The following FBLN5 variants were observed in gnomAD, a reference collection of about 807,000 sequenced individuals.
FBLN5 encodes the protein fibulin 5.
A neutral mutation model predicts 61.6 loss-of-function variants in FBLN5; 24 were observed. The observed-to-expected ratio is 0.39, with a 90% CI of 0.28 to 0.55. The LOEUF is 0.55. Ranked by LOEUF, FBLN5 falls within the 20% of genes least tolerant of loss-of-function variation. The pLI, the probability that FBLN5 is intolerant of heterozygous loss-of-function variation, is 0.65. For synonymous variants in FBLN5, 213 were observed against 219.8 expected, an observed-to-expected ratio of 0.97 and a Z score of 0.27; for missense variants, 470 against 594.1, an observed-to-expected ratio of 0.79 and a Z score of 2.17.
chr14:91,925,463 T>C (rs541429129), intron 4 of FBLN5, among the ~76,000 whole-genome samples: 91 of 152,254 alleles, frequency 6.0e-4, no homozygotes, highest in Admixed American at 1.5e-3. Context: ...CTCCTCTGTT[T>C]CCAAGACAAA....
In FBLN5 at chr14:91,870,120, G is replaced by T; in HGVS notation, c.*104C>A. The T allele has an allele frequency of 8.2e-7, 1 of 1,214,842 alleles. No homozygotes were observed. The highest frequency in any genetic ancestry group is 1.2e-6 in the Non-Finnish European group (1 of 829,582). The allele number at this position is 1,214,842 out of a possible 1,614,324, so 75.3% of individuals were successfully genotyped here. A position where few individuals can be genotyped will look rare whatever the true frequency, so the allele number is the denominator to read the frequency against. ...GACTCTTCGGGGAAACGTTCAGCAG[G>T]AAATGCCTAACGTCTGTGTCGCTCT... On this transcript the variant is annotated 3_prime_UTR_variant, in exon 11 of 11. Coordinates refer to ENST00000342058, the MANE Select transcript of FBLN5 (RefSeq NM_006329.4).
At chr14:91,898,555 A>C (rs1339172106) in intron 4 of FBLN5, among the ~76,000 whole-genome samples, 1 of 152,068 alleles carries the variant, frequency 6.6e-6, no homozygotes, top group African/African-American at 2.4e-5. Flanking sequence ...ATTTGACTTA[A>C]ATCACAGAAG....
chr14:91,884,993 C>T (rs1270909873), intron 7 of FBLN5, among the ~76,000 whole-genome samples: 1 of 152,232 alleles, frequency 6.6e-6, no homozygotes, highest in Admixed American at 6.5e-5. Context: ...CCAGGAACAG[C>T]TCAGCTTAGC....
At position 91,942,882 on chromosome 14, in the gene FBLN5, T is replaced by C. The variant is rs565761187; in HGVS notation, c.72+25A>G. 1.0e-4 allele frequency: 151 copies of C among 1,451,850 alleles called. 2 individuals carry two copies. In the South Asian group the frequency reaches 1.8e-3, roughly 17 times the overall value. The allele number at this position is 1,451,850 out of a possible 1,614,324, so 89.9% of individuals were successfully genotyped here. On this transcript the variant is annotated intron_variant, in intron 2 of 10. Coordinates refer to ENST00000342058, the MANE Select transcript of FBLN5 (RefSeq NM_006329.4). The stretch of plus-strand genomic sequence containing the variant: ...CCCCGGATTTTAATACGCTTGTAGA[T>C]ATTTTTTAAAAATAAAAATCTTACC...
At chr14:91,915,628 A>G (rs1891159894) in intron 4 of FBLN5, among the ~76,000 whole-genome samples, 2 of 137,786 alleles carry the variant, frequency 1.5e-5, no homozygotes, top group Admixed American at 1.6e-4. Flanking sequence ...CGGAGGTTGC[A>G]GTGAGCCGAT....
At chr14:91,896,789 G>T (rs980834893) in intron 4 of FBLN5, among the ~76,000 whole-genome samples, 11 of 152,134 alleles carry the variant, frequency 7.2e-5, no homozygotes, top group African/African-American at 2.4e-4. Flanking sequence ...CCACTCCCAC[G>T]CTGTCTGCCT....
At position 91,890,891 on chromosome 14, in the gene FBLN5, T is replaced by C. The variant is rs112672723; in HGVS notation, c.619+330A>G. On this transcript the variant is annotated intron_variant, in intron 6 of 10. Transcript: ENST00000342058. ...GGAACTGAACTTAGGCTACAGGACA[T>C]GCAACCAAATTTCTGATTAGGCAAG... Among the ~76,000 whole-genome samples the C allele has an allele frequency of 7.4e-3, 1,134 of 152,284 alleles. 32 individuals are homozygous for C. Among genetic ancestry groups the C allele is most frequent in the African/African-American group, 0.026 (1,080 of 41,542 alleles).
At chr14:91,934,881 C>T (rs942228271) in intron 4 of FBLN5, among the ~76,000 whole-genome samples, 6 of 152,170 alleles carry the variant, frequency 3.9e-5, no homozygotes, top group Non-Finnish European at 5.9e-5. Context: ...AAGAGCCTCC[C>T]TTTCCCATCC....
At position 91,911,814 on chromosome 14, in the gene FBLN5, A is replaced by C. The variant is rs574973243; in HGVS notation, c.380-16742T>G. Among the ~76,000 whole-genome samples the C allele has an allele frequency of 1.0e-3, 159 of 152,220 alleles. 2 individuals carry two copies. Among genetic ancestry groups the C allele is most frequent in the Non-Finnish European group, 1.6e-3 (111 of 67,972 alleles). ...AAAAGGAAAAGACGGAAAAAAAAAAAAAACGGCTGGGAGATGCCCACGCTG... is the reference window on the plus strand; with the variant it reads ...AAAAGGAAAAGACGGAAAAAAAAAACAAACGGCTGGGAGATGCCCACGCTG... On this transcript the variant is annotated intron_variant, in intron 4 of 10. Coordinates refer to ENST00000342058, the MANE Select transcript of FBLN5 (RefSeq NM_006329.4).
intron 4 of FBLN5, among the ~76,000 whole-genome samples, chr14:91,918,066 G>C (rs931332070): frequency 6.6e-6 from 1 of 152,134 alleles, no homozygotes; most frequent in African/African-American, 2.4e-5. Flanking sequence ...GAACCAGTTG[G>C]GAGTGTCACA....
Position 91,921,027 on chromosome 14 carries a change from G to A in FBLN5, c.379+15920C>T, listed in dbSNP as rs79305065. Among the ~76,000 whole-genome samples, 1,053 of 152,288 alleles carry A rather than the reference G, an allele frequency of 6.9e-3. 2 individuals are homozygous for A. Among genetic ancestry groups the A allele is most frequent in the Non-Finnish European group, 8.8e-3 (601 of 68,028 alleles). ...GAAAGTACCACATTGGGAATTCTAC[G>A]AGGTGTTCTATGCAAGCCAGTCACG... is the stretch of plus-strand genomic sequence containing the variant. On this transcript the variant is annotated intron_variant, in intron 4 of 10. Transcript: ENST00000342058.
At chr14:91,886,922 C>A (rs1486693582) in intron 7 of FBLN5, among the ~76,000 whole-genome samples, 2 of 152,164 alleles carry the variant, frequency 1.3e-5, no homozygotes, top group Non-Finnish European at 2.9e-5. Flanking sequence ...TGACTGCTCT[C>A]CCTCTTCAAC....
intron 4 of FBLN5, among the ~76,000 whole-genome samples, chr14:91,924,827 G>A (rs1489969423): frequency 6.6e-6 from 1 of 152,138 alleles, no homozygotes; most frequent in East Asian, 1.9e-4. Flanking sequence ...GCTCTCAGTT[G>A]CCCCAGGAGT....
chr14:91,920,826 C>A (rs371842883), intron 4 of FBLN5, among the ~76,000 whole-genome samples: 19 of 152,208 alleles, frequency 1.2e-4, no homozygotes, highest in African/African-American at 4.3e-4. Context: ...ACCCTCAGCA[C>A]TCCCTTGGCC....
At chr14:91,937,274 C>T (rs2056034374) in intron 3 of FBLN5, 73 bp from the exon 4 acceptor site, 1 of 1,599,366 alleles carries the variant, frequency 6.3e-7, no homozygotes, top group Non-Finnish European at 8.5e-7. Flanking sequence ...TTAAGCAGAA[C>T]TCGGTACCAG....
intron 10 of FBLN5, among the ~76,000 whole-genome samples, chr14:91,877,144 G>C (rs1194682362): frequency 1.3e-5 from 2 of 152,154 alleles, no homozygotes; most frequent in Non-Finnish European, 2.9e-5. Flanking sequence ...TGCCTGGCCT[G>C]CATAGGAGGT....
At chr14:91,873,876 C>A (rs1478504101) in intron 10 of FBLN5, 1 of 152,276 alleles carries the variant, frequency 6.6e-6, no homozygotes, top group Non-Finnish European at 1.5e-5. Flanking sequence ...CTTCCATGGG[C>A]CCTGTCACTT....
chr14:91,881,978 C>T (rs562179429), intron 8 of FBLN5, among the ~76,000 whole-genome samples: 52 of 151,648 alleles, frequency 3.4e-4, no homozygotes, highest in African/African-American at 1.0e-3. Flanking sequence ...TGGTGGCATG[C>T]GCCTGTACTA....
At position 91,943,950 on chromosome 14, in the gene FBLN5, A is replaced by G. The variant is rs1360666703; in HGVS notation, c.18-989T>C. ...GGCTCAGTTCTGCCATGCACAAGAC[A>G]GTGATGCTCTGGGAGTCTGCAACTC... On this transcript the variant is annotated intron_variant, in intron 1 of 10. Transcript: ENST00000342058. The surrounding 1 kb of genome is among the most constrained non-coding windows in gnomAD (Gnocchi z 4.0). Among the ~76,000 whole-genome samples, 1 of 152,104 alleles carries G rather than the reference A, an allele frequency of 6.6e-6. No individual in the cohort carries two copies. Among genetic ancestry groups the G allele is most frequent in the Non-Finnish European group, 1.5e-5 (1 of 68,006 alleles).
Sources: gnomAD v4.1 joint callset for allele counts (sites outside exome capture counted in the v4.1 genomes callset) on GRCh38, gnomAD v4.1.1 for gene constraint, Gnocchi (gnomAD v3.1) non-coding constraint, MANE v1.5 for transcripts, NCBI Gene and HGNC (gene_info 2026-07-23, HGNC 2026-07-21) for gene names.